Variants in COBL observed in about 807,000 individuals in gnomAD.
COBL encodes protein cordon-bleu.
Under a neutral mutation model 98.8 loss-of-function variants are expected in COBL, and 51 were observed. The observed-to-expected ratio is 0.52, with a 90% CI of 0.41 to 0.65. The LOEUF is 0.65. Ranked by LOEUF, COBL falls within the 30% of genes least tolerant of loss-of-function variation. The pLI is 0.00. For missense variants in COBL, 1,617 were observed against 1,617.5 expected (o/e 1.00, Z 0.01); for synonymous variants, 634 against 651.7 (o/e 0.97, Z 0.41).
intron 6 of COBL, among the ~76,000 whole-genome samples, chr7:51,087,551 T>G (rs1043253390): frequency 2.0e-5 from 3 of 152,046 alleles, no homozygotes; most frequent in African/African-American, 7.2e-5. Context: ...CAGGCTGAAG[T>G]GCAGTGGCGC....
chr7:51,041,608 C>T (rs1032618702), intron 8 of COBL, among the ~76,000 whole-genome samples: 14 of 151,498 alleles, frequency 9.2e-5, no homozygotes, highest in African/African-American at 2.9e-4. Context: ...CTCAGCCTCC[C>T]AAGCAGCTGG....
intron 5 of COBL, among the ~76,000 whole-genome samples, chr7:51,149,741 G>T (rs768518928): frequency 6.6e-6 from 1 of 152,104 alleles, no homozygotes; most frequent in Non-Finnish European, 1.5e-5. Flanking sequence ...GAGTAGCTGG[G>T]ATTACATGTG....
intron 2 of COBL, among the ~76,000 whole-genome samples, chr7:51,218,844 C>A (rs1325429138): frequency 1.3e-5 from 2 of 152,180 alleles, no homozygotes; most frequent in Admixed American, 6.5e-5. Flanking sequence ...CAGAATCATA[C>A]AAATATGTAT....
At chr7:51,284,717 C>T (rs1302060836) in intron 1 of COBL, among the ~76,000 whole-genome samples, 3 of 151,332 alleles carry the variant, frequency 2.0e-5, no homozygotes, top group Non-Finnish European at 2.9e-5. Flanking sequence ...CTCCCAGCTA[C>T]TCAGGAGGCT....
At chr7:51,054,709 C>T (rs1159475900) in intron 7 of COBL, among the ~76,000 whole-genome samples, 3 of 152,172 alleles carry the variant, frequency 2.0e-5, no homozygotes, top group African/African-American at 7.2e-5. Context: ...CTCCCTCACG[C>T]TTCTGTTTTA....
At chr7:51,202,431 C>T (rs1584152321) in intron 2 of COBL, among the ~76,000 whole-genome samples, 1 of 152,010 alleles carries the variant, frequency 6.6e-6, no homozygotes, top group East Asian at 1.9e-4. Context: ...TTTACTATAT[C>T]CAATTTATAA....
intron 5 of COBL, among the ~76,000 whole-genome samples, chr7:51,171,961 T>C (rs1787913372): frequency 6.6e-6 from 1 of 152,234 alleles, no homozygotes. Context: ...AAAATGTCAA[T>C]ATTTATAAGA....
At chr7:51,244,248 G>A (rs758749805) in intron 1 of COBL, among the ~76,000 whole-genome samples, 1 of 152,222 alleles carries the variant, frequency 6.6e-6, no homozygotes, top group African/African-American at 2.4e-5. Flanking sequence ...CAAGGAGAAT[G>A]TCTAAGTCCT....
intron 1 of COBL, among the ~76,000 whole-genome samples, chr7:51,312,130 T>C (rs1803113798): frequency 6.6e-6 from 1 of 151,692 alleles, no homozygotes; most frequent in African/African-American, 2.4e-5. Flanking sequence ...AAGACCAGCC[T>C]GGCCAACATG....
chr7:51,182,671 G>A (rs1055580276), intron 5 of COBL, among the ~76,000 whole-genome samples: 3 of 151,436 alleles, frequency 2.0e-5, no homozygotes, highest in African/African-American at 7.3e-5. Flanking sequence ...GAGAGGGGGA[G>A]AGGAAGGGAT....
At chr7:51,259,818 C>A in intron 1 of COBL, 1 of 753,152 alleles carries the variant, frequency 1.3e-6, no homozygotes, top group South Asian at 1.3e-5. Flanking sequence ...ACAAAGATAC[C>A]ACTAAAAATT....
chr7:51,165,352 CTG>C (rs1322850508), intron 5 of COBL, among the ~76,000 whole-genome samples: 1 of 151,900 alleles, frequency 6.6e-6, no homozygotes, highest in African/African-American at 2.4e-5. Flanking sequence ...AAGACCAAAA[CTG>C]TAAGAAGAGA....
chr7:51,030,433 T>A (rs765992148), intron 9 of COBL, among the ~76,000 whole-genome samples: 5 of 152,198 alleles, frequency 3.3e-5, no homozygotes, highest in Non-Finnish European at 5.9e-5. Context: ...AAAGGCTGAG[T>A]ATTTCTCATT....
intron 2 of COBL, 52 bp downstream of exon 2, chr7:51,219,689 G>C (rs73697833): frequency 4.5e-6 from 7 of 1,569,818 alleles, no homozygotes; most frequent in Non-Finnish European, 6.1e-6. Flanking sequence ...CATTCTCCCC[G>C]CTATACTCGC....
chr7:51,135,919 G>C (rs1562952481), intron 6 of COBL, among the ~76,000 whole-genome samples: 1 of 152,204 alleles, frequency 6.6e-6, no homozygotes, highest in Non-Finnish European at 1.5e-5. Context: ...GTGGGGAGCA[G>C]GACTGGGCTG....
At chr7:51,106,415 G>A (rs1382827402) in intron 6 of COBL, among the ~76,000 whole-genome samples, 1 of 152,154 alleles carries the variant, frequency 6.6e-6, no homozygotes, top group Non-Finnish European at 1.5e-5. Context: ...CCCGGCTGGT[G>A]TCATCCTGGC....
At chr7:51,174,230 A>G (rs1335395613) in intron 5 of COBL, among the ~76,000 whole-genome samples, 2 of 152,122 alleles carry the variant, frequency 1.3e-5, no homozygotes, top group Non-Finnish European at 2.9e-5. Context: ...TACCCGCACT[A>G]TGCTCGGCTT....
At position 51,182,888 on chromosome 7, in the gene COBL, A is replaced by G. The variant is rs1789124299; in HGVS notation, c.783+1214T>C. On this transcript the variant is annotated intron_variant, in intron 5 of 12. Coordinates refer to ENST00000265136, the MANE Select transcript of COBL (RefSeq NM_015198.5). ...AATCTGAGGTTTGTGAAAAACTCTTAAAGACAGGAAGTCTGCCAGTTCGGC... is the reference window on the plus strand; with the variant it reads ...AATCTGAGGTTTGTGAAAAACTCTTGAAGACAGGAAGTCTGCCAGTTCGGC... Among the ~76,000 whole-genome samples, 6 of 152,194 alleles carry G rather than the reference A, an allele frequency of 3.9e-5. No individual in the cohort carries two copies. In the South Asian group the frequency reaches 1.2e-3, roughly 32 times the overall value.
At chr7:51,045,719 C>A (rs1370078660) in intron 7 of COBL, among the ~76,000 whole-genome samples, 1 of 152,172 alleles carries the variant, frequency 6.6e-6, no homozygotes. Flanking sequence ...GGACTCTAAC[C>A]CACCTCCACC....
Sources: allele counts gnomAD v4.1 joint callset (sites outside exome capture counted in the v4.1 genomes callset), GRCh38; gene constraint gnomAD v4.1.1; transcripts MANE v1.5; gene names NCBI Gene and HGNC (gene_info 2026-07-23, HGNC 2026-07-21).